LRRC56: variants seen among roughly 807,000 people sequenced by gnomAD.
LRRC56 encodes leucine rich repeat containing 56.
In LRRC56, 41 loss-of-function variants were observed where a neutral mutation model predicts 47.8. The ratio of observed to expected loss-of-function variants is 0.86; its 90% CI spans 0.67 to 1.11. The LOEUF is 1.11. Ranked by LOEUF, LRRC56 falls within the 50% of genes most tolerant of loss-of-function variation. The pLI is 0.00. For missense variants in LRRC56, 759 were observed against 704.2 expected, an observed-to-expected ratio of 1.08 and a Z score of -0.88; for synonymous variants, 387 against 311.2, an observed-to-expected ratio of 1.24 and a Z score of -2.56.
Position 547,401 on chromosome 11 carries a change from T to C in LRRC56, c.327-2501T>C, listed in dbSNP as rs535847148. Among the ~76,000 whole-genome samples, 194 of 151,368 alleles carry C rather than the reference T, an allele frequency of 1.3e-3. 1 individual carries two copies. Among genetic ancestry groups the C allele is most frequent in the African/African-American group, 4.5e-3 (185 of 41,292 alleles). ...CAGAGTCTCACTCCGTTGCCCAGGCTGGAGTGCAGTGGCGCAATCTCGGCT... is the reference window on the plus strand; with the variant it reads ...CAGAGTCTCACTCCGTTGCCCAGGCCGGAGTGCAGTGGCGCAATCTCGGCT... On this transcript the variant is annotated intron_variant, in intron 6 of 13. Transcript: ENST00000270115.
chr11:549,816 C>A lies in LRRC56; in HGVS notation c.327-86C>A. ...AGGCCACCATAGGTGGTCACACCTG[C>A]CCCTACCCCTGAAGACAGCCAAAGG... On this transcript the variant is annotated intron_variant, in intron 6 of 13. Transcript: ENST00000270115. The A allele has an allele frequency of 8.4e-6, 10 of 1,188,758 alleles. 1 individual carries two copies. In the South Asian group the frequency reaches 1.0e-4, roughly 12 times the overall value. 73.6% of individuals were successfully genotyped at this position (1,188,758 alleles called of 1,614,324 possible).
At chr11:536,961 A>T (rs1308927451), upstream of LRRC56, 1 of 152,176 alleles carries the variant, frequency 6.6e-6, no homozygotes, top group Non-Finnish European at 1.5e-5. Context: ...GCGAGTGAGA[A>T]GCGGCGACTG....
At position 544,730 on chromosome 11, in the gene LRRC56, G is replaced by GC; in HGVS notation, c.279dup (p.Asn94GlnfsTer37). The GC allele has an allele frequency of 2.5e-6, 4 of 1,612,622 alleles. No homozygotes were observed. Among genetic ancestry groups the GC allele is most frequent in the Non-Finnish European group, 3.4e-6 (4 of 1,179,920 alleles). On this transcript the variant is annotated frameshift_variant, in exon 6 of 14. Transcript: ENST00000270115. LOFTEE classifies it high-confidence loss of function. ...CCTGTGGCCATACAGGGGTGCACCT[G>GC]CCCAACCTGGACCAACTGAAGCTGA...
the LRRC56 span, among the ~76,000 whole-genome samples, chr11:509,570 T>C: frequency 1.3e-5 from 2 of 152,192 alleles, no homozygotes; most frequent in East Asian, 1.9e-4. Flanking sequence ...TTTATTGAGA[T>C]GGAGTCTCGC....
the LRRC56 span, among the ~76,000 whole-genome samples, chr11:524,337 G>A: frequency 1.2e-4 from 19 of 152,032 alleles, no homozygotes; most frequent in African/African-American, 4.6e-4. Context: ...ATTCAGTAGA[G>A]AAAGGAAGAT....
upstream of LRRC56, chr11:533,681 G>C: frequency 1.2e-6 from 2 of 1,611,576 alleles, no homozygotes; most frequent in South Asian, 2.2e-5. Context: ...CATGCGCAGA[G>C]AGGACAGGAG....
In LRRC56 at chr11:554,272, C is replaced by G; in HGVS notation, c.1625C>G (p.Thr542Ser). Residue 542 changes from threonine to serine, a missense_variant, in exon 14 of 14, where the codon ACT becomes AGT. Thr to Ser is a moderately conservative substitution (Grantham distance 58). Coordinates refer to ENST00000270115, the MANE Select transcript of LRRC56 (RefSeq NM_198075.4). ...AELSHPSPVP[T>S] ...CTCTCTCACCCCAGCCCCGTCCCCA[C>G]TTAATATAGCCCCCACTGCCAGGCT... is the stretch of plus-strand genomic sequence containing the variant. 1 of 1,488,246 alleles carries G rather than the reference C, an allele frequency of 6.7e-7. No homozygotes were observed. Among genetic ancestry groups the G allele is most frequent in the Non-Finnish European group, 8.9e-7 (1 of 1,123,540 alleles). 92.2% of individuals were successfully genotyped at this position (1,488,246 alleles called of 1,614,324 possible).
the LRRC56 span, among the ~76,000 whole-genome samples, chr11:508,851 C>T: frequency 3.0e-4 from 45 of 151,824 alleles, no homozygotes; most frequent in African/African-American, 1.1e-3. Flanking sequence ...CAAGACCAGC[C>T]TGGCCAAGAT....
In LRRC56 at chr11:552,102, C is replaced by T; in HGVS notation, c.1051C>T (p.Pro351Ser). 1 of 1,611,244 alleles carries T rather than the reference C, an allele frequency of 6.2e-7. No homozygotes were observed. The highest frequency in any genetic ancestry group is 1.1e-5 in the South Asian group (1 of 91,016). ...RRHQCQAREP[P>S]EQLPQHRPGD... ...TTTTCCTCCCCAGGCCAGGGAGCCC[C>T]CCGAGCAGCTGCCCCAACACAGGCC... Residue 351 changes from proline (P) to serine (S), a missense_variant, in exon 12 of 14, where the codon CCC becomes TCC. Coordinates refer to ENST00000270115, the MANE Select transcript of LRRC56 (RefSeq NM_198075.4).
the LRRC56 span, among the ~76,000 whole-genome samples, chr11:527,698 ATT>A: frequency 2.8e-4 from 31 of 111,486 alleles, no homozygotes; most frequent in Non-Finnish European, 2.9e-4. Flanking sequence ...CGCCCGGCTA[ATT>A]TTTTTTTTTT....
chr11:552,277 G>A, intron 12 of LRRC56, 45 bp downstream of exon 12: 2 of 1,571,136 alleles, frequency 1.3e-6, no homozygotes, highest in Non-Finnish European at 1.7e-6. Context: ...CCTGTCCCGT[G>A]GGGAAATCAG....
chr11:528,246 T>C, the LRRC56 span, among the ~76,000 whole-genome samples: 2 of 152,176 alleles, frequency 1.3e-5, no homozygotes, highest in South Asian at 4.1e-4. Context: ...GCTCCATCAC[T>C]CCATCGTAAG....
the LRRC56 span, among the ~76,000 whole-genome samples, chr11:510,532 G>C: frequency 1.3e-5 from 2 of 152,014 alleles, no homozygotes; most frequent in Non-Finnish European, 2.9e-5. Context: ...GCGGTCGGGA[G>C]TTCAAGACCA....
chr11:532,331 G>A, the LRRC56 span: 120 of 519,424 alleles, frequency 2.3e-4, no homozygotes, highest in African/African-American at 1.1e-3. Context: ...CTGGGGTTCC[G>A]GTGGCATTTG....
chr11:544,762 G>A lies in LRRC56; in HGVS notation c.308G>A (p.Ser103Asn). ...PNLDQLKLNG[S>N]HLGSLRDLGT... ...CTGGACCAACTGAAGCTGAACGGCA[G>A]CCACCTGGGCTCCCTGAGGTGAGCG... is the stretch of plus-strand genomic sequence containing the variant. Residue 103 changes from serine (S) to asparagine (N), a missense_variant, in exon 6 of 14, where the codon AGC becomes AAC. Ser to Asn is a conservative substitution (Grantham distance 46). Transcript: ENST00000270115. The A allele has an allele frequency of 6.2e-7, 1 of 1,612,222 alleles. No homozygotes were observed. The highest frequency in any genetic ancestry group is 8.5e-7 in the Non-Finnish European group (1 of 1,179,764).
Position 551,315 on chromosome 11 carries a change from C to G in LRRC56, c.796+13C>G. On this transcript the variant is annotated intron_variant, in intron 9 of 13. Coordinates refer to ENST00000270115, the MANE Select transcript of LRRC56 (RefSeq NM_198075.4). ...CTTCCCCCGCTGGGTACGGCAGCTGCGCCCGGAGGACCCACTGCTGAGCCC... is the reference window on the plus strand; with the variant it reads ...CTTCCCCCGCTGGGTACGGCAGCTGGGCCCGGAGGACCCACTGCTGAGCCC... 6.7e-7 allele frequency: 1 copy of G among 1,491,968 alleles called. No individual in the cohort carries two copies. The allele number at this position is 1,491,968 out of a possible 1,614,324, so 92.4% of individuals were successfully genotyped here. A position where few individuals can be genotyped will look rare whatever the true frequency, so the allele number is the denominator to read the frequency against.
At chr11:552,026 C>T in intron 11 of LRRC56, 59 bp downstream of exon 11, 1 of 1,608,078 alleles carries the variant, frequency 6.2e-7, no homozygotes, top group Middle Eastern at 1.7e-4. Flanking sequence ...GCGGCCCTGA[C>T]AGTGCCCTGC....
chr11:526,782 C>CA, the LRRC56 span, among the ~76,000 whole-genome samples: 1 of 151,266 alleles, frequency 6.6e-6, no homozygotes, highest in Admixed American at 6.6e-5. Flanking sequence ...ACTAAAAATA[C>CA]AAAAATTAGC....
intron 6 of LRRC56, among the ~76,000 whole-genome samples, chr11:548,604 C>T (rs1386487104): frequency 1.3e-5 from 2 of 151,876 alleles, no homozygotes; most frequent in Admixed American, 6.6e-5. Context: ...ACTACAGGCA[C>T]CCGCCACCAC....
Sources: allele counts gnomAD v4.1 joint callset (sites outside exome capture counted in the v4.1 genomes callset), GRCh38; gene constraint gnomAD v4.1.1; transcripts MANE v1.5; gene names NCBI Gene and HGNC (gene_info 2026-07-23, HGNC 2026-07-21).